The following SGCZ variants were observed in gnomAD, a reference collection of about 807,000 sequenced individuals.
SGCZ encodes sarcoglycan zeta.
In SGCZ, 40 loss-of-function variants were observed where a neutral mutation model predicts 41.3. That is an observed-to-expected ratio of 0.97 (90% CI 0.75 to 1.26). The LOEUF (loss-of-function observed/expected upper bound fraction) is 1.26, where lower values mean the gene tolerates loss of function less well. SGCZ is among the 50% of genes most tolerant of loss of function. SGCZ has a pLI of 0.00. For missense variants in SGCZ, 552 were observed against 369.8 expected, an observed-to-expected ratio of 1.49 and a Z score of -4.04; for synonymous variants, 206 against 137.5, an observed-to-expected ratio of 1.50 and a Z score of -3.49.
chr8:14,537,818 G>A (rs1169682754), intron 2 of SGCZ, among the ~76,000 whole-genome samples: 2 of 151,916 alleles, frequency 1.3e-5, no homozygotes, highest in Non-Finnish European at 2.9e-5. Context: ...ACTTTCTATA[G>A]AGAAGATATA....
chr8:14,599,812 C>A (rs1176266683), intron 1 of SGCZ, among the ~76,000 whole-genome samples: 1 of 152,148 alleles, frequency 6.6e-6, no homozygotes, highest in Non-Finnish European at 1.5e-5. Context: ...AATCTCCTAG[C>A]ATTTTATAAA....
intron 1 of SGCZ, among the ~76,000 whole-genome samples, chr8:14,852,625 G>T (rs905563443): frequency 3.3e-5 from 5 of 152,060 alleles, no homozygotes; most frequent in African/African-American, 1.2e-4. Context: ...TTTTTTCCCT[G>T]CACGCCAGAT....
chr8:14,618,073 C>T (rs1162728762), intron 1 of SGCZ, among the ~76,000 whole-genome samples: 2 of 143,900 alleles, frequency 1.4e-5, no homozygotes, highest in East Asian at 4.7e-4. Flanking sequence ...AACTTCATGC[C>T]TTTTCATATA....
intron 2 of SGCZ, among the ~76,000 whole-genome samples, chr8:14,485,194 C>T (rs1397426080): frequency 6.6e-6 from 1 of 152,134 alleles, no homozygotes; most frequent in Non-Finnish European, 1.5e-5. Context: ...CTAAAAACTA[C>T]ATTTCCTATC....
intron 3 of SGCZ, among the ~76,000 whole-genome samples, chr8:14,283,417 G>A (rs923682198): frequency 2.0e-5 from 3 of 152,042 alleles, no homozygotes; most frequent in Non-Finnish European, 4.4e-5. Flanking sequence ...AATGTTTCTC[G>A]TTCAACAAAT....
chr8:14,266,468 A>C (rs1463840818), intron 3 of SGCZ, among the ~76,000 whole-genome samples: 1 of 152,186 alleles, frequency 6.6e-6, no homozygotes, highest in Admixed American at 6.5e-5. Context: ...GATTAAAAAA[A>C]TACTGTGTAG....
At chr8:15,211,505 T>C (rs1333020127) in intron 1 of SGCZ, among the ~76,000 whole-genome samples, 1 of 152,134 alleles carries the variant, frequency 6.6e-6, no homozygotes, top group Non-Finnish European at 1.5e-5. Flanking sequence ...GCTAAAGACC[T>C]GCCTCCAATG....
At chr8:14,780,724 G>GT (rs954315888) in intron 1 of SGCZ, among the ~76,000 whole-genome samples, 1 of 152,034 alleles carries the variant, frequency 6.6e-6, no homozygotes, top group Non-Finnish European at 1.5e-5. Flanking sequence ...GACTGATTTT[G>GT]TTTTTTAACA....
chr8:15,036,313 T>A (rs765695518), intron 1 of SGCZ, among the ~76,000 whole-genome samples: 1 of 151,882 alleles, frequency 6.6e-6, no homozygotes, highest in African/African-American at 2.4e-5. Flanking sequence ...AATAGACCAA[T>A]AAAGAGTAAG....
chr8:15,017,473 G>T (rs1267053062), intron 1 of SGCZ, among the ~76,000 whole-genome samples: 2 of 152,034 alleles, frequency 1.3e-5, no homozygotes, highest in African/African-American at 2.4e-5. Context: ...CACCTAAATT[G>T]CATACCATAG....
chr8:14,991,604 T>G (rs963997799), intron 1 of SGCZ, among the ~76,000 whole-genome samples: 4 of 152,274 alleles, frequency 2.6e-5, no homozygotes, highest in Admixed American at 6.5e-5. Flanking sequence ...CACAAGTTTC[T>G]ACTCCCCATA....
chr8:14,707,025 CT>C (rs199502081), intron 1 of SGCZ, among the ~76,000 whole-genome samples: 2 of 142,324 alleles, frequency 1.4e-5, no homozygotes, highest in Non-Finnish European at 1.5e-5. Flanking sequence ...TATTTAAAAT[CT>C]TTTTTTTAAA....
chr8:14,161,476 G>T (rs1180637835), intron 5 of SGCZ: 4 of 152,092 alleles, frequency 2.6e-5, no homozygotes, highest in Non-Finnish European at 2.9e-5. Flanking sequence ...GGATAGTGAG[G>T]ACAGTTCTAA....
chr8:15,229,674 T>G (rs1275970517), intron 1 of SGCZ, among the ~76,000 whole-genome samples: 1 of 152,198 alleles, frequency 6.6e-6, no homozygotes, highest in Non-Finnish European at 1.5e-5. Context: ...TCCTTCTGTT[T>G]TGGATTTTAA....
intron 1 of SGCZ, among the ~76,000 whole-genome samples, chr8:14,940,286 G>T (rs371946229): frequency 1.3e-5 from 2 of 152,006 alleles, no homozygotes; most frequent in Non-Finnish European, 2.9e-5. Context: ...CAAAAATATA[G>T]CATCATCATC....
intron 1 of SGCZ, among the ~76,000 whole-genome samples, chr8:14,997,238 C>T (rs1382784508): frequency 6.6e-6 from 1 of 152,058 alleles, no homozygotes; most frequent in African/African-American, 2.4e-5. Context: ...ATTCTAGGTT[C>T]CTTTAAAATT....
chr8:14,975,380 C>G (rs1206056286), intron 1 of SGCZ, among the ~76,000 whole-genome samples: 2 of 152,220 alleles, frequency 1.3e-5, no homozygotes, highest in African/African-American at 4.8e-5. Flanking sequence ...TCCATCGAAG[C>G]ACAATGAGAA....
rs748054935 is a variant in SGCZ at position 14,238,061 on chromosome 8, C to G, written c.337-382G>C. Among the ~76,000 whole-genome samples, 5 of 152,194 alleles carry G rather than the reference C, an allele frequency of 3.3e-5. No homozygotes were observed. In the East Asian group the frequency reaches 7.7e-4, roughly 23 times the overall value. On this transcript the variant is annotated intron_variant, in intron 3 of 7. Coordinates refer to ENST00000382080, the MANE Select transcript of SGCZ (RefSeq NM_139167.4). ...CTTTTTAAGTTTAAGTTGCATCTTT[C>G]AGATCTCAGCTTAAATGCCACCTTC...
chr8:14,939,766 C>T (rs971622785), intron 1 of SGCZ, among the ~76,000 whole-genome samples: 1 of 152,058 alleles, frequency 6.6e-6, no homozygotes, highest in African/African-American at 2.4e-5. Flanking sequence ...ACAGTGTTCA[C>T]TCAAGGGAAG....
Sources: allele counts gnomAD v4.1 joint callset (sites outside exome capture counted in the v4.1 genomes callset), GRCh38; gene constraint gnomAD v4.1.1; transcripts MANE v1.5; gene names NCBI Gene and HGNC (gene_info 2026-07-23, HGNC 2026-07-21).